CASC3: variants seen among roughly 807,000 people sequenced by gnomAD.
The protein encoded by CASC3 is CASC3 exon junction complex subunit, also known as protein CASC3.
CASC3 carries 30 observed loss-of-function variants against 80.5 expected under a neutral mutation model. The observed-to-expected ratio is 0.37, with a 90% CI of 0.28 to 0.51. The LOEUF (loss-of-function observed/expected upper bound fraction) is 0.51, where lower values mean the gene tolerates loss of function less well. Among genes scored for constraint, CASC3 ranks in the 20% least tolerant of loss-of-function variants. CASC3 has a pLI of 0.94. For synonymous variants in CASC3, 312 were observed against 333.6 expected (o/e 0.94, Z 0.70); for missense variants, 824 against 922.2 (o/e 0.89, Z 1.38).
chr17:40,143,208 G>A (rs536184188), intron 3 of CASC3, among the ~76,000 whole-genome samples: 45 of 152,296 alleles, frequency 3.0e-4, no homozygotes, highest in African/African-American at 1.1e-3. Flanking sequence ...CACTGTGGGA[G>A]GCCAAGGTGG....
chr17:40,165,320 C>T (rs1989421450), intron 7 of CASC3, among the ~76,000 whole-genome samples: 1 of 152,172 alleles, frequency 6.6e-6, no homozygotes, highest in South Asian at 2.1e-4. Context: ...CCATCTTGGC[C>T]TCCCAGAGTG....
intron 3 of CASC3, among the ~76,000 whole-genome samples, chr17:40,152,723 C>T (rs1989042705): frequency 6.6e-6 from 1 of 151,886 alleles, no homozygotes; most frequent in African/African-American, 2.4e-5. Flanking sequence ...CCTCAGCTTC[C>T]CAAAGTATTA....
chr17:40,144,876 A>G (rs1054553589), intron 3 of CASC3, among the ~76,000 whole-genome samples: 6 of 122,814 alleles, frequency 4.9e-5, no homozygotes, highest in Non-Finnish European at 8.8e-5. Flanking sequence ...TTTTTTTTTT[A>G]TTGAGATGGA....
rs758653274 is a variant in CASC3, at chr17:40,171,834, CTG to C, written c.*1430_*1431del. The C allele has an allele frequency of 5.7e-5, 67 of 1,185,224 alleles. No homozygotes were observed. The highest frequency in any genetic ancestry group is 6.8e-5 in the Non-Finnish European group (64 of 940,134). The allele number at this position is 1,185,224 out of a possible 1,614,324, so 73.4% of individuals were successfully genotyped here. ...CCATCTAGCAGCTGGCCTAATCACT[CTG>C]AGTCACAGGTGTGGGATGGAGAGTG... On this transcript the variant is annotated 3_prime_UTR_variant, in exon 14 of 14. Transcript: ENST00000264645.
Position 40,162,901 on chromosome 17 carries a change from G to A in CASC3, c.785G>A (p.Arg262Gln), listed in dbSNP as rs1001555671. The A allele has an allele frequency of 6.2e-6, 10 of 1,613,132 alleles. No homozygotes were observed. The highest frequency in any genetic ancestry group is 2.2e-5 in the East Asian group (1 of 44,872). The stretch of plus-strand genomic sequence containing the variant: ...AAACCTCGAAGAATCCGGAAACCCC[G>A]GTGAGGACATTTTAGAACATAAGAC... Reference protein sequence around the residue: ...DIKPRRIRKPRYGSPPQRDPN... With the variant: ...DIKPRRIRKPQYGSPPQRDPN... Residue 262 changes from arginine to glutamine, a missense_variant and splice_region_variant, in exon 6 of 14, where the codon CGA (arginine) becomes CAA (glutamine). Arg to Gln is a conservative substitution (Grantham distance 43, BLOSUM62 1). Around this residue, in one of 3 missense-constraint regions of CASC3, gnomAD observed 201 missense variants for 294.1 expected, o/e 0.68. Coordinates refer to ENST00000264645, the MANE Select transcript of CASC3 (RefSeq NM_007359.5).
intron 3 of CASC3, among the ~76,000 whole-genome samples, chr17:40,150,645 G>A (rs1988979831): frequency 6.6e-6 from 1 of 152,042 alleles, no homozygotes; most frequent in Non-Finnish European, 1.5e-5. Flanking sequence ...AAGCATCAAG[G>A]GAATGGATGC....
At chr17:40,153,135 G>C (rs1989053740) in intron 3 of CASC3, among the ~76,000 whole-genome samples, 2 of 152,120 alleles carry the variant, frequency 1.3e-5, no homozygotes, top group South Asian at 2.1e-4. Flanking sequence ...ACTTATAACT[G>C]AAGTTTTATA....
chr17:40,141,138 A>G (rs746815502), intron 1 of CASC3, 69 bp from the exon 2 acceptor site: 44 of 1,409,796 alleles, frequency 3.1e-5, no homozygotes, highest in Non-Finnish European at 4.3e-5. Context: ...CTTTTCACCC[A>G]CATTTCTTTA....
intron 3 of CASC3, among the ~76,000 whole-genome samples, chr17:40,158,496 G>A (rs1392931891): frequency 1.3e-5 from 2 of 152,108 alleles, no homozygotes; most frequent in Admixed American, 6.6e-5. Flanking sequence ...TCCAAATCTG[G>A]GGAGGACAAG....
chr17:40,152,848 C>T (rs1198122915), intron 3 of CASC3, among the ~76,000 whole-genome samples: 1 of 152,156 alleles, frequency 6.6e-6, no homozygotes, highest in Non-Finnish European at 1.5e-5. Flanking sequence ...ACAATCTCGG[C>T]TCACTGCAGT....
intron 13 of CASC3, 116 bp from the exon 14 acceptor site, chr17:40,170,331 A>G: frequency 1.5e-6 from 1 of 654,792 alleles, no homozygotes; most frequent in Non-Finnish European, 1.9e-6. Flanking sequence ...GCTTTTGTTT[A>G]AGGACATTAC....
chr17:40,140,861 G>T, intron 1 of CASC3, 82 bp downstream of exon 1: 1 of 1,091,168 alleles, frequency 9.2e-7, no homozygotes, highest in Non-Finnish European at 1.3e-6. Flanking sequence ...TAGGTAGTCT[G>T]TGAGTTGATA....
At chr17:40,146,426 C>T (rs539518284) in intron 3 of CASC3, among the ~76,000 whole-genome samples, 5 of 149,890 alleles carry the variant, frequency 3.3e-5, no homozygotes, top group East Asian at 3.9e-4. Flanking sequence ...TCGAGAAGTA[C>T]GATTTCTTTT....
In CASC3 at chr17:40,172,137, G is replaced by C; in HGVS notation, c.*1732G>C. On this transcript the variant is annotated 3_prime_UTR_variant, in exon 14 of 14. Coordinates refer to ENST00000264645, the MANE Select transcript of CASC3 (RefSeq NM_007359.5). The stretch of plus-strand genomic sequence containing the variant: ...GGTGCCCATTTGTGATCAGCATTGT[G>C]ACTTGGAGATAATAAAATTTAGACT... 7.8e-7 allele frequency: 1 copy of C among 1,289,948 alleles called. No individual in the cohort carries two copies. The highest frequency in any genetic ancestry group is 1.0e-6 in the Non-Finnish European group (1 of 988,864). The allele number at this position is 1,289,948 out of a possible 1,614,324, so 79.9% of individuals were successfully genotyped here.
At chr17:40,159,474 A>G (rs2145171711) in intron 3 of CASC3, among the ~76,000 whole-genome samples, 1 of 151,378 alleles carries the variant, frequency 6.6e-6, no homozygotes, top group Middle Eastern at 3.4e-3. Context: ...CTCCCAGGTT[A>G]AAGTGATTCT....
chr17:40,143,661 C>G (rs111872606), intron 3 of CASC3, among the ~76,000 whole-genome samples: 49 of 151,458 alleles, frequency 3.2e-4, no homozygotes, highest in African/African-American at 1.2e-3. Flanking sequence ...GAAATCTCGT[C>G]TCTACTAAAA....
rs1419363182 is a variant in CASC3 at position 40,165,412 on chromosome 17, G to A, written c.1471+1246G>A. Among the ~76,000 whole-genome samples, 3 of 152,062 alleles carry A rather than the reference G, an allele frequency of 2.0e-5. No homozygotes were observed. In the East Asian group the frequency reaches 5.8e-4, roughly 29 times the overall value. On this transcript the variant is annotated intron_variant, in intron 7 of 13. Coordinates refer to ENST00000264645, the MANE Select transcript of CASC3 (RefSeq NM_007359.5). ...TTGTAGTGATGGGTCTTGCTATATT[G>A]CCCAGGCTAATCTTGAACTCCTGGG...
chr17:40,150,496 AT>A (rs1988976046), intron 3 of CASC3, among the ~76,000 whole-genome samples: 1 of 151,980 alleles, frequency 6.6e-6, no homozygotes, highest in Non-Finnish European at 1.5e-5. Flanking sequence ...GAAAGCAGAC[AT>A]TTGAATTGAT....
rs929046336 is a variant in CASC3 at position 40,161,787 on chromosome 17, C to T, written c.332C>T (p.Ser111Phe). 1 of 1,613,950 alleles carries T rather than the reference C, an allele frequency of 6.2e-7. No individual in the cohort carries two copies. Among genetic ancestry groups the T allele is most frequent in the African/African-American group, 1.3e-5 (1 of 74,888 alleles). ...GGTGAATACAGTGAAGAGGAAAACT[C>T]CAAAGTGGAGCTGAAATCAGAAGCT... is the stretch of plus-strand genomic sequence containing the variant. ...EEGEYSEEEN[S>F]KVELKSEAND... is the part of the protein sequence containing the mutation. The change falls in exon 4 of 14, where the codon TCC becomes TTC. Residue 111 changes from serine (S) to phenylalanine (F), a missense_variant. Around this residue, in one of 3 missense-constraint regions of CASC3, gnomAD observed 201 missense variants for 294.1 expected, o/e 0.68. Coordinates refer to ENST00000264645, the MANE Select transcript of CASC3 (RefSeq NM_007359.5).
Sources: gnomAD v4.1 joint callset for allele counts (sites outside exome capture counted in the v4.1 genomes callset) on GRCh38, gnomAD v4.1.1 for gene constraint, gnomAD v4.1.1 regional missense constraint, MANE v1.5 for transcripts, NCBI Gene and HGNC (gene_info 2026-07-23, HGNC 2026-07-21) for gene names.